ABCB5: variants seen among roughly 807,000 people sequenced by gnomAD.
ABCB5 encodes the protein ATP-binding cassette sub-family B member 5.
Under a neutral mutation model 144.2 loss-of-function variants are expected in ABCB5, and 155 were observed. That is an observed-to-expected ratio of 1.08 (90% confidence interval 0.94 to 1.23). The LOEUF is 1.23. Ranked by LOEUF, ABCB5 falls within the 50% of genes most tolerant of loss-of-function variation. The pLI is 0.00. For synonymous variants in ABCB5, 610 were observed against 528.6 expected (o/e 1.15, Z -2.11); for missense variants, 1,830 against 1,520.8 (o/e 1.20, Z -3.38).
chr7:20,687,816 T>C (rs1179745806), intron 16 of ABCB5, among the ~76,000 whole-genome samples: 1 of 152,142 alleles, frequency 6.6e-6, no homozygotes, highest in Admixed American at 6.5e-5. Flanking sequence ...GCTTAGGAGT[T>C]CAAGGCTGCA....
In ABCB5 at chr7:20,755,727, C is replaced by T. The variant is rs562123497; in HGVS notation, c.*103C>T. 2.9e-6 allele frequency: 3 copies of T among 1,040,448 alleles called. No homozygotes were observed. In the East Asian group the frequency reaches 7.7e-5, roughly 27 times the overall value. The allele number at this position is 1,040,448 out of a possible 1,614,324, so 64.5% of individuals were successfully genotyped here. A position where few individuals can be genotyped will look rare whatever the true frequency, so the allele number is the denominator to read the frequency against. On this transcript the variant is annotated 3_prime_UTR_variant, in exon 28 of 28. Coordinates refer to ENST00000404938, the MANE Select transcript of ABCB5 (RefSeq NM_001163941.2). ...ATCTCTTTTATTGCATATATCAATA[C>T]CTAGAATCATGCTACTCAAGTACAT...
intron 15 of ABCB5, among the ~76,000 whole-genome samples, chr7:20,684,235 T>G (rs187203384): frequency 6.6e-6 from 1 of 152,336 alleles, no homozygotes; most frequent in African/African-American, 2.4e-5. Context: ...GTTATATACA[T>G]GTATATTGCT....
At chr7:20,616,347 C>T (rs1194597477) in intron 1 of ABCB5, among the ~76,000 whole-genome samples, 1 of 152,138 alleles carries the variant, frequency 6.6e-6, no homozygotes, top group Non-Finnish European at 1.5e-5. Context: ...TATCTTCTTT[C>T]ATCTAACCAA....
intron 14 of ABCB5, among the ~76,000 whole-genome samples, chr7:20,665,322 A>T (rs1293204815): frequency 1.3e-5 from 2 of 152,164 alleles, no homozygotes; most frequent in African/African-American, 4.8e-5. Context: ...ACAAAAAAGA[A>T]AGCATTCTCG....
chr7:20,702,156 C>CTAAG (rs1786650997), intron 19 of ABCB5, among the ~76,000 whole-genome samples: 1 of 152,162 alleles, frequency 6.6e-6, no homozygotes, highest in Admixed American at 6.5e-5. Flanking sequence ...AAAGAATGTT[C>CTAAG]TAAGTGTTGC....
intron 20 of ABCB5, among the ~76,000 whole-genome samples, chr7:20,712,872 T>C (rs1477276659): frequency 6.7e-6 from 1 of 149,902 alleles, no homozygotes. Flanking sequence ...ATTTAACATA[T>C]GCATTATTTC....
At chr7:20,638,938 T>G (rs1029256819) in intron 5 of ABCB5, among the ~76,000 whole-genome samples, 6 of 152,222 alleles carry the variant, frequency 3.9e-5, no homozygotes, top group Non-Finnish European at 1.5e-5. Context: ...ACTGCCAAAC[T>G]GTTTTTTCAA....
At chr7:20,693,298 T>C in intron 16 of ABCB5, among the ~76,000 whole-genome samples, 1 of 151,938 alleles carries the variant, frequency 6.6e-6, no homozygotes, top group East Asian at 1.9e-4. Flanking sequence ...CCCAAGACTT[T>C]GAGGCTGCAG....
At chr7:20,688,632 G>A (rs11762814) in intron 16 of ABCB5, among the ~76,000 whole-genome samples, 23,717 of 152,076 alleles carry the variant, frequency 0.16, 1,996 homozygotes, top group East Asian at 0.22. Context: ...TATACCCCAA[G>A]GATTATAAAT....
chr7:20,623,218 G>C, intron 1 of ABCB5, 47 bp from the exon 2 acceptor site: 1 of 1,120,040 alleles, frequency 8.9e-7, no homozygotes, highest in Non-Finnish European at 1.3e-6. Context: ...TCAACTAAGT[G>C]ATAAAAGTCA....
intron 15 of ABCB5, among the ~76,000 whole-genome samples, chr7:20,682,309 A>T (rs1785856648): frequency 6.6e-6 from 1 of 152,218 alleles, no homozygotes; most frequent in Non-Finnish European, 1.5e-5. Flanking sequence ...TAAAGACTTA[A>T]AACTCAGCTA....
At position 20,704,074 on chromosome 7, in the gene ABCB5, C is replaced by CCTTTTTTTTTTTTTT. The variant is rs1372079040; in HGVS notation, c.2338-649_2338-635dup. Among the ~76,000 whole-genome samples, 8 of 27,142 alleles carry CCTTTTTTTTTTTTTT rather than the reference C, an allele frequency of 2.9e-4. 1 individual carries two copies. The highest frequency in any genetic ancestry group is 5.3e-4 in the Non-Finnish European group (8 of 15,152). The allele number at this position is 27,142 out of a possible 152,430, so 17.8% of individuals were successfully genotyped here. A position where few individuals can be genotyped will look rare whatever the true frequency, so the allele number is the denominator to read the frequency against. ...TCTAAATTGTGTTGTTTATTGCCTT[C>CCTTTTTTTTTTTTTT]CTTTTTTTTTTTTTTTTGTGAGACA... On this transcript the variant is annotated intron_variant, in intron 19 of 27. Transcript: ENST00000404938.
chr7:20,711,845 T>TATC (rs1554287328), intron 20 of ABCB5, among the ~76,000 whole-genome samples: 1 of 10,234 alleles, frequency 9.8e-5, no homozygotes, highest in African/African-American at 5.9e-4. Flanking sequence ...TCTTTCTTTC[T>TATC]TTTCTTTCTT....
intron 14 of ABCB5, among the ~76,000 whole-genome samples, chr7:20,674,327 T>A (rs4721932): frequency 0.012 from 1,853 of 152,022 alleles, 86 homozygotes; most frequent in Admixed American, 0.085. Flanking sequence ...ATTTCAGCTG[T>A]CATATGTTTT....
intron 20 of ABCB5, among the ~76,000 whole-genome samples, chr7:20,710,665 T>C (rs1383961545): frequency 1.3e-5 from 2 of 149,936 alleles, no homozygotes; most frequent in African/African-American, 2.5e-5. Context: ...AACTATGCCC[T>C]TGTACTTTTA....
At chr7:20,684,839 G>C (rs1785942833) in intron 15 of ABCB5, among the ~76,000 whole-genome samples, 1 of 152,128 alleles carries the variant, frequency 6.6e-6, no homozygotes, top group South Asian at 2.1e-4. Context: ...CATTCTCCTT[G>C]TGCACCTAAA....
At chr7:20,699,746 T>G (rs1403075854) in intron 17 of ABCB5, 79 bp from the exon 18 acceptor site, 11 of 907,196 alleles carry the variant, frequency 1.2e-5, no homozygotes, top group South Asian at 6.8e-5. Flanking sequence ...TTAAAACTCC[T>G]GATATACAGA....
rs548287314 is a variant in ABCB5 at position 20,683,478 on chromosome 7, T to C, written c.1869+1812T>C. Among the ~76,000 whole-genome samples, 4 of 152,330 alleles carry C rather than the reference T, an allele frequency of 2.6e-5. 1 individual carries two copies. Among genetic ancestry groups the C allele is most frequent in the African/African-American group, 9.6e-5 (4 of 41,588 alleles). On this transcript the variant is annotated intron_variant, in intron 15 of 27. Transcript: ENST00000404938. ...TTTAAGATTTTTTAAACACTATTAA[T>C]ACTAGTATAGTCAGATCTTTCTTTG...
rs1782608811 is a variant in ABCB5 at position 20,742,972 on chromosome 7, T to C, written c.3120T>C (p.Ile1040=). ...VFILRGLSLS[I]ERGKTVAFVG... Reference sequence around the variant, plus strand: ...TCCTCCGTGGCTTATCCCTCAGTATTGAGCGAGGAAAGACAGTAGCATTTG... The same window carrying C: ...TCCTCCGTGGCTTATCCCTCAGTATCGAGCGAGGAAAGACAGTAGCATTTG... Residue 1040 remains isoleucine (I), a synonymous_variant, in exon 25 of 28, where the codon ATT becomes ATC. Coordinates refer to ENST00000404938, the MANE Select transcript of ABCB5 (RefSeq NM_001163941.2). 1.2e-6 allele frequency: 2 copies of C among 1,614,164 alleles called. No homozygotes were observed. Among genetic ancestry groups the C allele is most frequent in the Non-Finnish European group, 1.7e-6 (2 of 1,180,020 alleles).
Sources: gnomAD v4.1 joint callset for allele counts (sites outside exome capture counted in the v4.1 genomes callset) on GRCh38, gnomAD v4.1.1 for gene constraint, MANE v1.5 for transcripts, NCBI Gene and HGNC (gene_info 2026-07-23, HGNC 2026-07-21) for gene names.